The following RANBP2 variants were observed in gnomAD, a reference collection of about 807,000 sequenced individuals.
RANBP2 encodes RAN binding protein 2.
RANBP2 carries 57 observed loss-of-function variants against 303.6 expected under a neutral mutation model. The ratio of observed to expected loss-of-function variants is 0.19; its 90% CI spans 0.15 to 0.23. The LOEUF (loss-of-function observed/expected upper bound fraction) is 0.23. Ranked by LOEUF, RANBP2 falls within the 10% of genes least tolerant of loss-of-function variation. The pLI is 1.00. For missense variants in RANBP2, 3,138 were observed against 3,780.8 expected (o/e 0.83, Z 4.46); for synonymous variants, 1,167 against 1,301.5 (o/e 0.90, Z 2.23).
At chr2:108,924,191 A>G in the RANBP2 span, among the ~76,000 whole-genome samples, 3 of 152,282 alleles carry the variant, frequency 2.0e-5, no homozygotes, top group Non-Finnish European at 2.9e-5. Flanking sequence ...ATGTTCCATT[A>G]TGTCTTTCAG....
chr2:109,499,433 C>G, the RANBP2 span, among the ~76,000 whole-genome samples: 3 of 152,190 alleles, frequency 2.0e-5, no homozygotes, highest in Admixed American at 1.3e-4. Context: ...GGTCCAACAC[C>G]CTGGTGGCCC....
At chr2:109,361,088 G>A in the RANBP2 span, among the ~76,000 whole-genome samples, 1,030 of 152,260 alleles carry the variant, frequency 6.8e-3, 11 homozygotes, top group African/African-American at 0.023. Flanking sequence ...ATGAGCATGT[G>A]ATTTTTCTTC....
At chr2:109,070,730 G>A in the RANBP2 span, among the ~76,000 whole-genome samples, 5 of 151,914 alleles carry the variant, frequency 3.3e-5, no homozygotes, top group African/African-American at 7.3e-5. Flanking sequence ...GTGATGGTGC[G>A]CTGCCTATAG....
the RANBP2 span, among the ~76,000 whole-genome samples, chr2:109,396,719 A>T: frequency 6.6e-6 from 1 of 152,102 alleles, no homozygotes; most frequent in Admixed American, 6.5e-5. Context: ...GGTGTGGGGG[A>T]CAGGCCCCTC....
At chr2:109,674,915 C>A in the RANBP2 span, among the ~76,000 whole-genome samples, 1 of 151,744 alleles carries the variant, frequency 6.6e-6, no homozygotes, top group Admixed American at 6.6e-5. Flanking sequence ...ATGGCTTCTC[C>A]CTCACTTCAT....
At chr2:109,602,029 G>A in the RANBP2 span, among the ~76,000 whole-genome samples, 4 of 152,302 alleles carry the variant, frequency 2.6e-5, no homozygotes, top group African/African-American at 9.6e-5. Flanking sequence ...GGAAATGACT[G>A]AAGGATTCAA....
the RANBP2 span, chr2:108,805,109 A>G: frequency 1.9e-6 from 1 of 530,830 alleles, no homozygotes; most frequent in Non-Finnish European, 3.0e-6. Flanking sequence ...TCAGCTAGAG[A>G]AAATTTGGAT....
At chr2:109,560,813 G>A in the RANBP2 span, among the ~76,000 whole-genome samples, 2 of 152,050 alleles carry the variant, frequency 1.3e-5, no homozygotes, top group Non-Finnish European at 2.9e-5. Context: ...GAGACTAGGC[G>A]TCTCCTTCTA....
At chr2:108,911,898 C>A in the RANBP2 span, among the ~76,000 whole-genome samples, 1 of 152,242 alleles carries the variant, frequency 6.6e-6, no homozygotes, top group Admixed American at 6.5e-5. Context: ...CCAGCATCAT[C>A]TGGGGAATAC....
chr2:109,134,061 A>G, the RANBP2 span, among the ~76,000 whole-genome samples: 3 of 152,194 alleles, frequency 2.0e-5, no homozygotes, highest in Non-Finnish European at 2.9e-5. Flanking sequence ...AACTGCTTAT[A>G]TACCCGAGAT....
At chr2:109,374,988 A>G in the RANBP2 span, among the ~76,000 whole-genome samples, 6 of 152,206 alleles carry the variant, frequency 3.9e-5, no homozygotes, top group African/African-American at 1.4e-4. Context: ...GCTGAAGGGC[A>G]CACACCTGGC....
At chr2:109,454,380 C>G in the RANBP2 span, among the ~76,000 whole-genome samples, 2 of 152,150 alleles carry the variant, frequency 1.3e-5, no homozygotes, top group African/African-American at 4.8e-5. Flanking sequence ...CATTTTTAGT[C>G]CTGTCTGGAT....
At chr2:109,343,337 A>T in the RANBP2 span, among the ~76,000 whole-genome samples, 2 of 151,752 alleles carry the variant, frequency 1.3e-5, no homozygotes, top group Admixed American at 1.3e-4. Flanking sequence ...TCCTCCAAAT[A>T]AACTGCCTCT....
the RANBP2 span, among the ~76,000 whole-genome samples, chr2:109,052,930 G>GT: frequency 2.0e-5 from 3 of 152,220 alleles, no homozygotes; most frequent in African/African-American, 7.2e-5. Context: ...ATTTCTCTAT[G>GT]TTTGTCCTTA....
chr2:108,848,591 T>A, the RANBP2 span, among the ~76,000 whole-genome samples: 1 of 152,236 alleles, frequency 6.6e-6, no homozygotes, highest in Non-Finnish European at 1.5e-5. Flanking sequence ...TATGGCTTAA[T>A]GTATAATACC....
the RANBP2 span, among the ~76,000 whole-genome samples, chr2:109,652,000 C>T: frequency 6.6e-6 from 1 of 152,202 alleles, no homozygotes; most frequent in African/African-American, 2.4e-5. Flanking sequence ...GACAGCCCAA[C>T]CTGCAGTGAC....
chr2:109,701,630 C>T, the RANBP2 span, among the ~76,000 whole-genome samples: 3 of 152,114 alleles, frequency 2.0e-5, no homozygotes, highest in Non-Finnish European at 2.9e-5. Context: ...GCATGTGTCT[C>T]GGGTGAGCCT....
At chr2:109,377,800 C>T in the RANBP2 span, among the ~76,000 whole-genome samples, 1 of 152,166 alleles carries the variant, frequency 6.6e-6, no homozygotes, top group East Asian at 1.9e-4. Flanking sequence ...TCCTCCTGCT[C>T]CTGTAGCACC....
chr2:109,143,770 AC>A, the RANBP2 span, among the ~76,000 whole-genome samples: 1 of 150,708 alleles, frequency 6.6e-6, no homozygotes, highest in East Asian at 1.9e-4. Flanking sequence ...AACAAAACAA[AC>A]AAACAAACAA....
Sources: gnomAD v4.1 joint callset for allele counts (sites outside exome capture counted in the v4.1 genomes callset) on GRCh38, gnomAD v4.1.1 for gene constraint, MANE v1.5 for transcripts, NCBI Gene and HGNC (gene_info 2026-07-23, HGNC 2026-07-21) for gene names.